The following EPB41L4A variants were observed in gnomAD, a reference collection of about 807,000 sequenced individuals.
EPB41L4A encodes band 4.1-like protein 4A.
EPB41L4A carries 100 observed loss-of-function variants against 108.6 expected under a neutral mutation model. The ratio of observed to expected loss-of-function variants is 0.92; its 90% CI spans 0.78 to 1.09. The LOEUF is 1.09. EPB41L4A is among the 50% of genes least tolerant of loss of function. The pLI is 0.00. For synonymous variants in EPB41L4A, 319 were observed against 289.0 expected (o/e 1.10, Z -1.05); for missense variants, 1,030 against 842.7 (o/e 1.22, Z -2.75).
At chr5:112,265,157 C>G in intron 5 of EPB41L4A, 141 bp from the exon 6 acceptor site, 1 of 742,790 alleles carries the variant, frequency 1.3e-6, no homozygotes, top group Admixed American at 3.4e-5. Context: ...AATAATTTTA[C>G]TAAAACAAAT....
At chr5:112,259,205 T>G (rs376665429) in intron 9 of EPB41L4A, 24 bp downstream of exon 9, 8 of 1,587,504 alleles carry the variant, frequency 5.0e-6, no homozygotes, top group Non-Finnish European at 6.9e-6. Flanking sequence ...TCTTCTAATT[T>G]AAGCTAAGGG....
At chr5:112,259,847 G>T in intron 8 of EPB41L4A, 44 bp downstream of exon 8, 1 of 1,455,714 alleles carries the variant, frequency 6.9e-7, no homozygotes, top group Non-Finnish European at 9.6e-7. Context: ...AGTCCCATAA[G>T]CCCAAAACAT....
chr5:112,166,544 T>C (rs1580352252), intron 22 of EPB41L4A, among the ~76,000 whole-genome samples: 1 of 151,110 alleles, frequency 6.6e-6, no homozygotes, highest in South Asian at 2.1e-4. Flanking sequence ...GCTCCTCACC[T>C]GCCAGGTCTC....
At chr5:112,254,001 G>C (rs1379871909) in intron 9 of EPB41L4A, among the ~76,000 whole-genome samples, 1 of 152,140 alleles carries the variant, frequency 6.6e-6, no homozygotes, top group Non-Finnish European at 1.5e-5. Context: ...AAGCCGGAGA[G>C]TTCTGCCAAG....
At chr5:112,285,437 G>A (rs948861435) in intron 2 of EPB41L4A, among the ~76,000 whole-genome samples, 1 of 152,110 alleles carries the variant, frequency 6.6e-6, no homozygotes, top group African/African-American at 2.4e-5. Context: ...GGCTATTTGT[G>A]CTTTTCCCAC....
At chr5:112,419,408 A>C (rs1762945422), upstream of EPB41L4A, 1 of 358,066 alleles carries the variant, frequency 2.8e-6, no homozygotes, top group Non-Finnish European at 5.5e-6. Flanking sequence ...AGAGACCAGA[A>C]AAAGGAGTGA....
At chr5:112,299,671 T>C (rs370288072) in intron 2 of EPB41L4A, among the ~76,000 whole-genome samples, 1 of 152,142 alleles carries the variant, frequency 6.6e-6, no homozygotes, top group African/African-American at 2.4e-5. Flanking sequence ...ATCTGTTAAG[T>C]CCATTTGTTC....
intron 12 of EPB41L4A, among the ~76,000 whole-genome samples, chr5:112,223,900 C>A (rs1748258658): frequency 6.6e-6 from 1 of 150,980 alleles, no homozygotes; most frequent in Non-Finnish European, 1.5e-5. Context: ...TGTAATAGAG[C>A]CATGGTTAAA....
At chr5:112,393,824 C>T (rs1469578273) in intron 1 of EPB41L4A, among the ~76,000 whole-genome samples, 18 of 151,998 alleles carry the variant, frequency 1.2e-4, no homozygotes, top group Admixed American at 4.6e-4. Context: ...TGATGAACAT[C>T]GATGCAAAAA....
intron 1 of EPB41L4A, among the ~76,000 whole-genome samples, chr5:112,323,493 G>A (rs1755943396): frequency 6.6e-6 from 1 of 152,166 alleles, no homozygotes; most frequent in African/African-American, 2.4e-5. Flanking sequence ...TAACTTTACT[G>A]TTTCTTACAG....
At chr5:112,355,669 G>A (rs6894365) in intron 1 of EPB41L4A, among the ~76,000 whole-genome samples, 7,216 of 152,170 alleles carry the variant, frequency 0.047, 504 homozygotes, top group African/African-American at 0.16. Flanking sequence ...TTTTGCCGAA[G>A]AACACCACCC....
intron 1 of EPB41L4A, among the ~76,000 whole-genome samples, chr5:112,334,419 T>C (rs116511357): frequency 1.6e-4 from 25 of 152,160 alleles, no homozygotes; most frequent in African/African-American, 5.6e-4. Context: ...TATATCTCAA[T>C]AGGAAATATT....
intron 11 of EPB41L4A, among the ~76,000 whole-genome samples, chr5:112,238,867 T>G (rs1464868535): frequency 6.6e-6 from 1 of 152,224 alleles, no homozygotes; most frequent in Non-Finnish European, 1.5e-5. Context: ...ACAAATTCTT[T>G]TTCAAAATAT....
At chr5:112,282,111 G>T (rs1444091872) in intron 2 of EPB41L4A, among the ~76,000 whole-genome samples, 2 of 152,194 alleles carry the variant, frequency 1.3e-5, no homozygotes, top group Non-Finnish European at 2.9e-5. Flanking sequence ...GGCAGAGGAT[G>T]TGTCAGTGAA....
At chr5:112,191,191 A>G (rs574821436) in intron 17 of EPB41L4A, among the ~76,000 whole-genome samples, 1 of 151,348 alleles carries the variant, frequency 6.6e-6, no homozygotes, top group South Asian at 2.1e-4. Context: ...GGAAAGGGGT[A>G]AGGGAAAACA....
intron 22 of EPB41L4A, among the ~76,000 whole-genome samples, chr5:112,165,965 T>G (rs1185289528): frequency 6.6e-6 from 1 of 152,180 alleles, no homozygotes; most frequent in African/African-American, 2.4e-5. Flanking sequence ...ACCCATCTAT[T>G]TGGGATGGAA....
intron 18 of EPB41L4A, among the ~76,000 whole-genome samples, chr5:112,172,788 G>C (rs1387206803): frequency 6.6e-6 from 1 of 152,178 alleles, no homozygotes; most frequent in African/African-American, 2.4e-5. Flanking sequence ...ATCCAGGTTA[G>C]GAAGCTATTC....
rs1561637778 is a variant in EPB41L4A at position 112,393,113 on chromosome 5, C to T, written c.99+25828G>A. On this transcript the variant is annotated intron_variant, in intron 1 of 22. Transcript: ENST00000261486. ...GCAGTGTGTAGAGGCAATGTTATAG[C>T]ACTAAATGCCCACAAGAGAAAGCAG... 2.6e-5 allele frequency among the ~76,000 whole-genome samples: 4 copies of T among 152,302 alleles called. No individual in the cohort carries two copies. The South Asian group carries it at 8.3e-4, about 32-fold the overall frequency.
intron 17 of EPB41L4A, 142 bp from the exon 18 acceptor site, chr5:112,184,277 A>G (rs1761316682): frequency 6.8e-6 from 6 of 881,396 alleles, no homozygotes; most frequent in East Asian, 5.3e-5. Flanking sequence ...TATTAACTGA[A>G]TTAATATATC....
Sources: gnomAD v4.1 joint callset for allele counts (sites outside exome capture counted in the v4.1 genomes callset) on GRCh38, gnomAD v4.1.1 for gene constraint, MANE v1.5 for transcripts, NCBI Gene and HGNC (gene_info 2026-07-23, HGNC 2026-07-21) for gene names.